The following ZNF595 variants were observed in gnomAD, a reference collection of about 807,000 sequenced individuals.
ZNF595 encodes zinc finger protein 595.
ZNF595 carries 9 observed loss-of-function variants against 19.4 expected under a neutral mutation model. The ratio of observed to expected loss-of-function variants is 0.46; its 90% CI spans 0.28 to 0.81. The LOEUF (loss-of-function observed/expected upper bound fraction) is 0.81. ZNF595 is among the 30% of genes least tolerant of loss of function. The pLI is 0.11. For synonymous variants in ZNF595, 255 were observed against 255.9 expected, an observed-to-expected ratio of 1.00 and a Z score of 0.03; for missense variants, 729 against 736.0, an observed-to-expected ratio of 0.99 and a Z score of 0.11.
Position 86,981 on chromosome 4 carries a change from G to A in ZNF595, c.1477G>A (p.Ala493Thr), listed in dbSNP as rs374778353. 7.7e-5 allele frequency: 122 copies of A among 1,592,294 alleles called. 1 individual carries two copies. In the South Asian group the frequency reaches 8.3e-4, roughly 11 times the overall value. The change falls in exon 4 of 4, where the codon GCA becomes ACA. Residue 493 changes from alanine to threonine, a missense_variant. Physicochemically the swap from Ala to Thr is moderately conservative, Grantham distance 58 (BLOSUM62 0). Around this residue, in one of 2 missense-constraint regions of ZNF595, gnomAD observed 729 missense variants for 675.3 expected, o/e 1.08. Transcript: ENST00000610261. ...EECGKAFIWSASLNEHKNIHT... is the reference protein window; with the variant it reads ...EECGKAFIWSTSLNEHKNIHT... Reference sequence around the variant, plus strand: ...ATGTGGCAAAGCTTTCATATGGTCCGCAAGCCTGAATGAACATAAGAATAT... The same window carrying A: ...ATGTGGCAAAGCTTTCATATGGTCCACAAGCCTGAATGAACATAAGAATAT...
chr4:72,058 A>AT (rs1456245732), intron 3 of ZNF595, among the ~76,000 whole-genome samples: 1 of 152,300 alleles, frequency 6.6e-6, no homozygotes, highest in East Asian at 1.9e-4. Flanking sequence ...CAGACATACC[A>AT]TTCCGGCCAG....
At chr4:80,013 A>C (rs1172122565) in intron 3 of ZNF595, among the ~76,000 whole-genome samples, 4 of 152,148 alleles carry the variant, frequency 2.6e-5, no homozygotes, top group South Asian at 2.1e-4. Context: ...AGCATTGGGC[A>C]AAATTGAATA....
At chr4:72,745 T>A (rs1244783806) in intron 3 of ZNF595, among the ~76,000 whole-genome samples, 1 of 152,256 alleles carries the variant, frequency 6.6e-6, no homozygotes, top group Non-Finnish European at 1.5e-5. Context: ...ACATAAGTGC[T>A]GAGTTTGAGG....
rs33985555 is a variant in ZNF595, at chr4:87,715, A to ATTT, written c.*285_*287dup. The ATTT allele has an allele frequency of 0.013, 1,588 of 117,692 alleles. 30 individuals carry two copies. Among genetic ancestry groups the ATTT allele is most frequent in the South Asian group, 0.058 (212 of 3,670 alleles). The allele number at this position is 117,692 out of a possible 1,614,324, so 7.3% of individuals were successfully genotyped here. On this transcript the variant is annotated 3_prime_UTR_variant, in exon 4 of 4. Transcript: ENST00000610261. ...ACACACAGTCCAGTTATACACTTTAATTTTTTTTTTTTTTTTTTTTTTTGA... is the reference window on the plus strand; with the variant it reads ...ACACACAGTCCAGTTATACACTTTAATTTTTTTTTTTTTTTTTTTTTTTTTTGA...
intron 3 of ZNF595, chr4:67,891 CTT>C (rs113282456): frequency 0.03 from 13,992 of 462,040 alleles, 1 homozygote; most frequent in South Asian, 0.054. Context: ...AGGATTGCTT[CTT>C]TTTTTTTTTT....
intron 3 of ZNF595, among the ~76,000 whole-genome samples, chr4:84,664 T>G (rs1005899595): frequency 6.6e-6 from 1 of 152,212 alleles, no homozygotes; most frequent in Non-Finnish European, 1.5e-5. Context: ...TATATAAATC[T>G]CTGTGTATGT....
At chr4:70,083 T>G (rs1306735300) in intron 3 of ZNF595, among the ~76,000 whole-genome samples, 1 of 152,166 alleles carries the variant, frequency 6.6e-6, no homozygotes, top group African/African-American at 2.4e-5. Context: ...TAGTAAAGAC[T>G]AATTGACAAA....
rs1302868139 is a variant in ZNF595 at position 87,212 on chromosome 4, G to A, written c.1708G>A (p.Gly570Ser). 5 of 1,595,280 alleles carry A rather than the reference G, an allele frequency of 3.1e-6. No individual in the cohort carries two copies. The East Asian group carries it at 1.2e-4, about 37-fold the overall frequency. ...GEKPYKCKEC[G>S]KAYNLSSTLT... ...GAAACCCTACAAATGCAAAGAATGT[G>A]GCAAAGCCTATAACTTATCCTCAAC... Residue 570 changes from glycine (G) to serine (S), a missense_variant, in exon 4 of 4, where the codon GGC becomes AGC. Gly to Ser is a moderately conservative substitution (Grantham distance 56). Coordinates refer to ENST00000610261, the MANE Select transcript of ZNF595 (RefSeq NM_182524.4).
At chr4:55,233 T>C (rs1581310181) in intron 1 of ZNF595, among the ~76,000 whole-genome samples, 14,802 of 103,804 alleles carry the variant, frequency 0.14, no homozygotes, top group Non-Finnish European at 0.19. Flanking sequence ...GCTTTTTCCT[T>C]CCCCACAAAT....
At chr4:73,942 G>A (rs1186269831) in intron 3 of ZNF595, among the ~76,000 whole-genome samples, 1 of 152,070 alleles carries the variant, frequency 6.6e-6, no homozygotes, top group African/African-American at 2.4e-5. Flanking sequence ...TGTCAGAATT[G>A]AGTTGTTGGA....
At position 82,371 on chromosome 4, in the gene ZNF595, G is replaced by GT. The variant is rs1560092266; in HGVS notation, c.227-3360_227-3359insT. Among the ~76,000 whole-genome samples, 169 of 97,694 alleles carry GT rather than the reference G, an allele frequency of 1.7e-3. 6 individuals carry two copies. Among genetic ancestry groups the GT allele is most frequent in the South Asian group, 4.4e-3 (11 of 2,488 alleles). The allele number at this position is 97,694 out of a possible 152,430, so 64.1% of individuals were successfully genotyped here. On this transcript the variant is annotated intron_variant, in intron 3 of 3. Transcript: ENST00000610261. ...ACAAAAGTCCATTTTTTTGGTTTGT[G>GT]GTTTTTTTTTTTTTTTTTTTTTTTT... is the stretch of plus-strand genomic sequence containing the variant.
At chr4:76,523 A>T (rs542079084) in intron 3 of ZNF595, among the ~76,000 whole-genome samples, 10 of 152,128 alleles carry the variant, frequency 6.6e-5, no homozygotes, top group East Asian at 5.8e-4. Flanking sequence ...GACTATATAT[A>T]TTTTTTTCCA....
At chr4:75,332 G>A (rs1478084111) in intron 3 of ZNF595, among the ~76,000 whole-genome samples, 3 of 152,216 alleles carry the variant, frequency 2.0e-5, no homozygotes, top group African/African-American at 7.2e-5. Context: ...CCCATCTGAT[G>A]AGAATCATAC....
At chr4:84,408 C>G (rs1268760905) in intron 3 of ZNF595, among the ~76,000 whole-genome samples, 1 of 152,164 alleles carries the variant, frequency 6.6e-6, no homozygotes, top group Non-Finnish European at 1.5e-5. Context: ...TGCTAATACA[C>G]TTTTTCAACA....
intron 3 of ZNF595, among the ~76,000 whole-genome samples, chr4:66,418 T>C (rs1713111735): frequency 2.0e-5 from 3 of 151,980 alleles, no homozygotes; most frequent in South Asian, 4.2e-4. Flanking sequence ...GTGGGACTCT[T>C]ACTAAAACTT....
intron 3 of ZNF595, among the ~76,000 whole-genome samples, chr4:79,489 T>C (rs1323975156): frequency 2.0e-5 from 3 of 152,238 alleles, no homozygotes; most frequent in Non-Finnish European, 4.4e-5. Context: ...AGACTGTCTT[T>C]TTCCAGCTGT....
At chr4:83,689 C>G (rs1248523966) in intron 3 of ZNF595, among the ~76,000 whole-genome samples, 3 of 139,164 alleles carry the variant, frequency 2.2e-5, no homozygotes, top group African/African-American at 5.2e-5. Context: ...TTTTTGATTT[C>G]TTAAATAAAT....
At position 86,783 on chromosome 4, in the gene ZNF595, G is replaced by A. The variant is rs369964159; in HGVS notation, c.1279G>A (p.Glu427Lys). 1.9e-4 allele frequency: 308 copies of A among 1,613,070 alleles called. No homozygotes were observed. The highest frequency in any genetic ancestry group is 6.6e-4 in the Middle Eastern group (4 of 6,056). Residue 427 changes from glutamate to lysine, a missense_variant, in exon 4 of 4, where the codon GAA (glutamate) becomes AAA (lysine). This residue lies in a region of ZNF595 where 729 missense variants were observed against 675.3 expected (regional missense o/e 1.08). Transcript: ENST00000610261. Reference sequence around the variant, plus strand: ...TACTGGAGAGAAACCCTACACGTGCGAAGAATGTGGCAAAGCTTTTAACCA... The same window carrying A: ...TACTGGAGAGAAACCCTACACGTGCAAAGAATGTGGCAAAGCTTTTAACCA... ...IHTGEKPYTC[E>K]ECGKAFNQSS... is the part of the protein sequence containing the mutation.
chr4:74,765 T>G (rs1001905643), intron 3 of ZNF595, among the ~76,000 whole-genome samples: 6 of 152,170 alleles, frequency 3.9e-5, no homozygotes, highest in Non-Finnish European at 5.9e-5. Context: ...AGTTTCTGAT[T>G]AGCCTCTCCA....
Sources: allele counts gnomAD v4.1 joint callset (sites outside exome capture counted in the v4.1 genomes callset), GRCh38; gene constraint gnomAD v4.1.1; regional missense constraint gnomAD v4.1.1; transcripts MANE v1.5; gene names NCBI Gene and HGNC (gene_info 2026-07-23, HGNC 2026-07-21).